The following MAP4K3 variants were observed in gnomAD, a reference collection of about 807,000 sequenced individuals.
MAP4K3 encodes the protein mitogen-activated protein kinase kinase kinase kinase 3, also known as MAPK/ERK kinase kinase kinase 3.
In MAP4K3, 94 loss-of-function variants were observed where a neutral mutation model predicts 143.5. That is an observed-to-expected ratio of 0.65 (90% CI 0.55 to 0.78). MAP4K3 has a LOEUF of 0.78. Ranked by LOEUF, MAP4K3 falls within the 30% of genes least tolerant of loss-of-function variation. The probability of loss-of-function intolerance (pLI) is 0.00; values close to 1 mark genes in which losing one functional copy is unlikely to be tolerated. For synonymous variants in MAP4K3, 416 were observed against 347.2 expected, an observed-to-expected ratio of 1.20 and a Z score of -2.20; for missense variants, 1,077 against 1,068.1, an observed-to-expected ratio of 1.01 and a Z score of -0.12.
intron 1 of MAP4K3, among the ~76,000 whole-genome samples, chr2:39,399,580 C>G (rs895007113): frequency 1.3e-5 from 2 of 152,132 alleles, no homozygotes; most frequent in Admixed American, 6.5e-5. Context: ...ATGAGTACAG[C>G]TGATTTTCAA....
intron 1 of MAP4K3, among the ~76,000 whole-genome samples, chr2:39,422,202 C>G (rs1667567486): frequency 6.6e-6 from 1 of 151,900 alleles, no homozygotes; most frequent in African/African-American, 2.4e-5. Context: ...GAAAAGAGAC[C>G]ACAGACAATG....
intron 28 of MAP4K3, 109 bp from the exon 29 acceptor site, chr2:39,260,886 A>C (rs1680541882): frequency 1.4e-6 from 1 of 718,796 alleles, no homozygotes. Context: ...CTTGTCACAG[A>C]AATTCAGGTA....
At chr2:39,316,338 A>C (rs3770663) in intron 12 of MAP4K3, among the ~76,000 whole-genome samples, 110,034 of 151,992 alleles carry the variant, frequency 0.72, 43,968 homozygotes, top group Non-Finnish European at 0.89. Flanking sequence ...AAACCCTGTG[A>C]AAACTGAACC....
chr2:39,376,259 ATGAT>A (rs1193048870), intron 2 of MAP4K3, among the ~76,000 whole-genome samples: 1 of 152,200 alleles, frequency 6.6e-6, no homozygotes, highest in African/African-American at 2.4e-5. Context: ...CTGGAATTTT[ATGAT>A]TGAGGGATCA....
chr2:39,367,703 T>C (rs910690196), intron 2 of MAP4K3, among the ~76,000 whole-genome samples: 4 of 152,228 alleles, frequency 2.6e-5, no homozygotes, highest in South Asian at 2.1e-4. Context: ...CTGGGCAACA[T>C]AGTGAGACCT....
chr2:39,259,979 ATTGT>A (rs1479067743), intron 29 of MAP4K3, among the ~76,000 whole-genome samples: 4 of 152,204 alleles, frequency 2.6e-5, no homozygotes, highest in African/African-American at 9.6e-5. Context: ...TTCATGCACA[ATTGT>A]TTATTAATAT....
chr2:39,402,215 T>G (rs1666970777), intron 1 of MAP4K3, among the ~76,000 whole-genome samples: 1 of 152,170 alleles, frequency 6.6e-6, no homozygotes, highest in Non-Finnish European at 1.5e-5. Flanking sequence ...TTAGTGAACT[T>G]GAAGAAAACG....
intron 15 of MAP4K3, among the ~76,000 whole-genome samples, chr2:39,301,516 A>G (rs757688987): frequency 1.3e-5 from 2 of 152,226 alleles, no homozygotes; most frequent in Admixed American, 6.5e-5. Flanking sequence ...CTATCAGACC[A>G]GCTATATCTT....
chr2:39,431,085 T>C (rs923592524), intron 1 of MAP4K3, among the ~76,000 whole-genome samples: 1 of 152,224 alleles, frequency 6.6e-6, no homozygotes, highest in East Asian at 1.9e-4. Context: ...ATTTATACTC[T>C]AGTGGGAAGA....
intron 1 of MAP4K3, among the ~76,000 whole-genome samples, chr2:39,405,755 C>A (rs990694147): frequency 6.6e-6 from 1 of 152,074 alleles, no homozygotes; most frequent in African/African-American, 2.4e-5. Context: ...GTGGTCCCAT[C>A]TACGTGGGAG....
chr2:39,265,473 T>C (rs368059643), intron 27 of MAP4K3, among the ~76,000 whole-genome samples, 167 bp from the exon 28 acceptor site: 87 of 152,346 alleles, frequency 5.7e-4, no homozygotes, highest in African/African-American at 1.8e-3. Flanking sequence ...AAAAAAATAC[T>C]GTTTCAGGTA....
intron 1 of MAP4K3, among the ~76,000 whole-genome samples, chr2:39,383,577 T>C (rs777268595): frequency 1.6e-4 from 24 of 152,008 alleles, no homozygotes; most frequent in Non-Finnish European, 2.4e-4. Context: ...CATCCCTGGT[T>C]TACCCAGAGT....
chr2:39,407,723 A>C (rs1667134147), intron 1 of MAP4K3, among the ~76,000 whole-genome samples: 2 of 152,118 alleles, frequency 1.3e-5, no homozygotes, highest in Admixed American at 1.3e-4. Context: ...CCACAGGTGC[A>C]TGCCACCACA....
chr2:39,303,326 G>A (rs914438889), intron 15 of MAP4K3, among the ~76,000 whole-genome samples: 1 of 152,040 alleles, frequency 6.6e-6, no homozygotes, highest in African/African-American at 2.4e-5. Context: ...TAAAAAGTCA[G>A]AAAAGCAAGT....
chr2:39,378,232 A>C (rs1666270240), intron 1 of MAP4K3, 109 bp from the exon 2 acceptor site: 2 of 607,480 alleles, frequency 3.3e-6, no homozygotes, highest in Non-Finnish European at 5.8e-6. Flanking sequence ...TTTTAAAAGA[A>C]ATGCAAATGT....
intron 18 of MAP4K3, among the ~76,000 whole-genome samples, chr2:39,291,392 T>C (rs951925895): frequency 9.9e-5 from 15 of 152,208 alleles, no homozygotes; most frequent in African/African-American, 3.1e-4. Flanking sequence ...GAAAGGTAAA[T>C]AATTAAGAAC....
At chr2:39,278,319 G>T in intron 24 of MAP4K3, 88 bp downstream of exon 24, 1 of 696,306 alleles carries the variant, frequency 1.4e-6, no homozygotes, top group Non-Finnish European at 2.3e-6. Context: ...GAGGCAGCAA[G>T]TCATGAAACT....
intron 4 of MAP4K3, among the ~76,000 whole-genome samples, 167 bp downstream of exon 4, chr2:39,343,221 C>T (rs2148535371): frequency 6.6e-6 from 1 of 152,138 alleles, no homozygotes; most frequent in South Asian, 2.1e-4. Flanking sequence ...AAAGCAAAGA[C>T]TCCTCCTTTC....
chr2:39,321,910 G>A (rs1183157965), intron 12 of MAP4K3, among the ~76,000 whole-genome samples: 1 of 152,186 alleles, frequency 6.6e-6, no homozygotes, highest in Non-Finnish European at 1.5e-5. Flanking sequence ...ATTGTCTTGT[G>A]ACCCTGACAC....
Sources: allele counts gnomAD v4.1 joint callset (sites outside exome capture counted in the v4.1 genomes callset), GRCh38; gene constraint gnomAD v4.1.1; transcripts MANE v1.5; gene names NCBI Gene and HGNC (gene_info 2026-07-23, HGNC 2026-07-21).